The following QKI variants were observed in gnomAD, a reference collection of about 807,000 sequenced individuals.
The protein encoded by QKI is QKI, KH domain containing RNA binding.
A neutral mutation model predicts 39.0 loss-of-function variants in QKI; 10 were observed. The ratio of observed to expected loss-of-function variants is 0.26; its 90% CI spans 0.16 to 0.43. The LOEUF is 0.43. QKI is among the 20% of genes least tolerant of loss of function. The probability of loss-of-function intolerance (pLI) is 1.00; values close to 1 mark genes in which losing one functional copy is unlikely to be tolerated. For synonymous variants in QKI, 204 were observed against 155.4 expected (o/e 1.31, Z -2.33); for missense variants, 218 against 428.0 (o/e 0.51, Z 4.33).
chr6:163,491,209 A>C (rs1778034978), intron 3 of QKI, among the ~76,000 whole-genome samples: 1 of 152,208 alleles, frequency 6.6e-6, no homozygotes. Flanking sequence ...GAAATACAAT[A>C]AAATTAGTTA....
At chr6:163,527,651 G>A (rs1318469327) in intron 3 of QKI, among the ~76,000 whole-genome samples, 1 of 152,088 alleles carries the variant, frequency 6.6e-6, no homozygotes, top group South Asian at 2.1e-4. Context: ...ATAGGGCAGC[G>A]ATTCATAAAG....
chr6:163,468,474 T>A (rs191644355), intron 2 of QKI, among the ~76,000 whole-genome samples: 67 of 152,294 alleles, frequency 4.4e-4, no homozygotes, highest in Middle Eastern at 3.4e-3. Context: ...TAGGGAATTT[T>A]AAAAAGGTTA....
intron 3 of QKI, among the ~76,000 whole-genome samples, chr6:163,528,122 C>T (rs1015875265): frequency 6.6e-6 from 1 of 152,058 alleles, no homozygotes; most frequent in Non-Finnish European, 1.5e-5. Context: ...AGAAAGAATA[C>T]TTGACATGAA....
chr6:163,565,032 G>A (rs1389016517), intron 6 of QKI: 13 of 1,145,276 alleles, frequency 1.1e-5, no homozygotes, highest in Non-Finnish European at 1.1e-5. Context: ...CTGTGTGTGT[G>A]CATGCACTCA....
intron 3 of QKI, among the ~76,000 whole-genome samples, chr6:163,497,298 T>G (rs1046329401): frequency 1.3e-5 from 2 of 152,160 alleles, no homozygotes; most frequent in Non-Finnish European, 2.9e-5. Context: ...TTTTGGAAAT[T>G]CATTCTCTAG....
chr6:163,503,969 G>A (rs192073652), intron 3 of QKI, among the ~76,000 whole-genome samples: 3 of 151,858 alleles, frequency 2.0e-5, no homozygotes, highest in Non-Finnish European at 2.9e-5. Flanking sequence ...TCTCGAACTC[G>A]TGAGCTCAGG....
At chr6:163,542,156 C>T (rs1781563889) in intron 4 of QKI, among the ~76,000 whole-genome samples, 1 of 151,832 alleles carries the variant, frequency 6.6e-6, no homozygotes, top group South Asian at 2.1e-4. Context: ...AATTATATAA[C>T]ATTACTAAAA....
Position 163,577,340 on chromosome 6 carries a change from T to C in QKI, c.*6630T>C, listed in dbSNP as rs993836949. 1.3e-4 allele frequency: 19 copies of C among 151,884 alleles called. No individual in the cohort carries two copies. The highest frequency in any genetic ancestry group is 3.9e-4 in the African/African-American group (16 of 41,196). 9.4% of individuals were successfully genotyped at this position (151,884 alleles called of 1,614,324 possible). A position where few individuals can be genotyped will look rare whatever the true frequency, so the allele number is the denominator to read the frequency against. On this transcript the variant is annotated 3_prime_UTR_variant, in exon 8 of 8. Transcript: ENST00000361752. ...CCAAAGGTGTGTTTGGTTTGGCTTA[T>C]ACGGTGTTTTGCTTTTTAAACTACT...
chr6:163,479,487 T>C (rs1792898680), intron 3 of QKI, among the ~76,000 whole-genome samples: 1 of 151,990 alleles, frequency 6.6e-6, no homozygotes, highest in South Asian at 2.1e-4. Flanking sequence ...TTCTCCTGCC[T>C]CAGGCTCCTG....
intron 3 of QKI, among the ~76,000 whole-genome samples, chr6:163,533,614 A>G (rs1291634956): frequency 6.6e-6 from 1 of 152,232 alleles, no homozygotes; most frequent in Non-Finnish European, 1.5e-5. Flanking sequence ...TTGTAAAGAT[A>G]TGACATCATC....
At chr6:163,507,640 A>T (rs1779181934) in intron 3 of QKI, among the ~76,000 whole-genome samples, 1 of 152,182 alleles carries the variant, frequency 6.6e-6, no homozygotes, top group African/African-American at 2.4e-5. Context: ...TAAGCATCTC[A>T]TCTAAAGATG....
intron 3 of QKI, among the ~76,000 whole-genome samples, chr6:163,524,246 A>G (rs1459102744): frequency 6.6e-6 from 1 of 152,194 alleles, no homozygotes; most frequent in African/African-American, 2.4e-5. Context: ...TTGTGTCTTT[A>G]TTAAGCTTTT....
At chr6:163,442,031 A>G (rs1386311676) in intron 1 of QKI, among the ~76,000 whole-genome samples, 1 of 152,206 alleles carries the variant, frequency 6.6e-6, no homozygotes, top group Non-Finnish European at 1.5e-5. Flanking sequence ...TCTTTGTGAT[A>G]ATAAGATGTT....
At chr6:163,471,868 A>G (rs1181915823) in intron 2 of QKI, among the ~76,000 whole-genome samples, 2 of 152,194 alleles carry the variant, frequency 1.3e-5, no homozygotes, top group Non-Finnish European at 2.9e-5. Flanking sequence ...CCTGTTTAAA[A>G]TAAGGATAAC....
rs764461109 is a variant in QKI at position 163,452,412 on chromosome 6, ACTT to A, written c.143-2863_143-2861del. Among the ~76,000 whole-genome samples the A allele has an allele frequency of 1.3e-4, 20 of 152,256 alleles. No homozygotes were observed. In the East Asian group the frequency reaches 3.1e-3, roughly 24 times the overall value. On this transcript the variant is annotated intron_variant, in intron 1 of 7. Coordinates refer to ENST00000361752, the MANE Select transcript of QKI (RefSeq NM_006775.3). ...GACTGAAAAAAATCGTGGTAGAAAGACTTCTTATCTGTCTTCCTTATTAGAATA... is the reference window on the plus strand; with the variant it reads ...GACTGAAAAAAATCGTGGTAGAAAGACTTATCTGTCTTCCTTATTAGAATA...
chr6:163,442,164 A>G (rs1231314009), intron 1 of QKI, among the ~76,000 whole-genome samples: 2 of 151,496 alleles, frequency 1.3e-5, no homozygotes, highest in African/African-American at 4.9e-5. Flanking sequence ...TCTTTATTAA[A>G]ACAGACATTT....
chr6:163,425,746 C>CA lies in QKI; in HGVS notation c.142+10412dup, dbSNP rs368524895. ...TGTATTCATCCTGAAGGATTGAGAA[C>CA]ATGTGGGGCTCATTTGTTTAGCTGT... On this transcript the variant is annotated intron_variant, in intron 1 of 7. Transcript: ENST00000361752. Among the ~76,000 whole-genome samples the CA allele has an allele frequency of 3.7e-4, 57 of 152,236 alleles. 1 individual carries two copies. In the East Asian group the frequency reaches 0.011, roughly 29 times the overall value.
At chr6:163,446,530 C>A (rs993133054) in intron 1 of QKI, among the ~76,000 whole-genome samples, 1 of 152,054 alleles carries the variant, frequency 6.6e-6, no homozygotes, top group Admixed American at 6.6e-5. Flanking sequence ...TTAACTAGTT[C>A]GCCATTAGAT....
chr6:163,533,438 T>C (rs1225004927), intron 3 of QKI, among the ~76,000 whole-genome samples: 2 of 152,256 alleles, frequency 1.3e-5, no homozygotes, highest in Non-Finnish European at 2.9e-5. Flanking sequence ...ATACATTTTA[T>C]TTGTAAATAA....
Sources: allele counts gnomAD v4.1 joint callset (sites outside exome capture counted in the v4.1 genomes callset), GRCh38; gene constraint gnomAD v4.1.1; transcripts MANE v1.5; gene names NCBI Gene and HGNC (gene_info 2026-07-23, HGNC 2026-07-21).